The following SBF2 variants were observed in gnomAD, a reference collection of about 807,000 sequenced individuals.
SBF2 encodes SET binding factor 2.
SBF2 carries 112 observed loss-of-function variants against 225.2 expected under a neutral mutation model. The ratio of observed to expected loss-of-function variants is 0.50; its 90% CI spans 0.43 to 0.58. The LOEUF (loss-of-function observed/expected upper bound fraction) is 0.58. SBF2 is among the 20% of genes least tolerant of loss of function. SBF2 has a pLI of 0.00. For synonymous variants in SBF2, 763 were observed against 773.3 expected, an observed-to-expected ratio of 0.99 and a Z score of 0.22; for missense variants, 1,996 against 2,206.2, an observed-to-expected ratio of 0.90 and a Z score of 1.91.
At chr11:10,000,138 A>C (rs750001825) in intron 8 of SBF2, among the ~76,000 whole-genome samples, 41 of 152,342 alleles carry the variant, frequency 2.7e-4, no homozygotes, top group Non-Finnish European at 5.3e-4. Context: ...TACTGGGCAG[A>C]AATCTGTTTC....
chr11:9,843,734 G>A (rs957179125), intron 24 of SBF2: 1 of 152,194 alleles, frequency 6.6e-6, no homozygotes, highest in Non-Finnish European at 1.5e-5. Flanking sequence ...GATAACAGCT[G>A]GGAATCATAA....
intron 2 of SBF2, among the ~76,000 whole-genome samples, chr11:10,175,856 T>A (rs1376773853): frequency 6.6e-6 from 1 of 151,634 alleles, no homozygotes; most frequent in Non-Finnish European, 1.5e-5. Flanking sequence ...GGATTAAGAA[T>A]CTCACTCAAA....
chr11:10,054,390 C>T (rs1030586243), intron 2 of SBF2, among the ~76,000 whole-genome samples: 4 of 152,086 alleles, frequency 2.6e-5, no homozygotes, highest in Non-Finnish European at 4.4e-5. Flanking sequence ...AAAAAAGATC[C>T]TATTTGTAAT....
chr11:9,794,719 G>A (rs1195478925), intron 33 of SBF2, among the ~76,000 whole-genome samples: 1 of 129,964 alleles, frequency 7.7e-6, no homozygotes, highest in Non-Finnish European at 1.6e-5. Flanking sequence ...ACCAGGCCTG[G>A]GGCAGTTGTA....
At chr11:10,301,733 C>T (rs1964600376) in intron 1 of SBF2, among the ~76,000 whole-genome samples, 3 of 152,174 alleles carry the variant, frequency 2.0e-5, no homozygotes, top group Admixed American at 2.0e-4. Context: ...GCTGAGAAAC[C>T]ACTACCACAT....
chr11:10,171,933 T>C (rs1398925678), intron 2 of SBF2, among the ~76,000 whole-genome samples: 4 of 152,334 alleles, frequency 2.6e-5, no homozygotes, highest in East Asian at 3.9e-4. Flanking sequence ...TATTGACATA[T>C]AGTTGGTCAC....
intron 1 of SBF2, among the ~76,000 whole-genome samples, chr11:10,219,020 G>C (rs1000490863): frequency 1.3e-5 from 2 of 152,252 alleles, no homozygotes; most frequent in South Asian, 2.1e-4. Context: ...CTGGGGTCTG[G>C]AGGATGGTGG....
At chr11:9,873,639 C>A (rs1306575180) in intron 17 of SBF2, among the ~76,000 whole-genome samples, 3 of 152,156 alleles carry the variant, frequency 2.0e-5, no homozygotes, top group African/African-American at 7.2e-5. Context: ...TCTGCATGAG[C>A]AGTGAGGAGG....
chr11:9,912,044 C>T (rs555851311), intron 16 of SBF2, among the ~76,000 whole-genome samples: 5 of 152,290 alleles, frequency 3.3e-5, no homozygotes, highest in East Asian at 1.9e-4. Context: ...TAGCTGGGTG[C>T]GGTGGCTCAC....
chr11:10,112,762 T>C (rs1206532086), intron 2 of SBF2, among the ~76,000 whole-genome samples: 2 of 152,154 alleles, frequency 1.3e-5, no homozygotes, highest in Admixed American at 6.5e-5. Flanking sequence ...CTCTTTAAAT[T>C]ATAAGTGCAT....
chr11:10,030,068 CTGAGA>C (rs1949199363), intron 4 of SBF2, among the ~76,000 whole-genome samples, 193 bp from the exon 5 acceptor site: 1 of 152,196 alleles, frequency 6.6e-6, no homozygotes, highest in Non-Finnish European at 1.5e-5. Flanking sequence ...AAATGAGCTT[CTGAGA>C]TGAGTTTATA....
chr11:10,227,116 A>C (rs1158330415), intron 1 of SBF2, among the ~76,000 whole-genome samples: 1 of 152,128 alleles, frequency 6.6e-6, no homozygotes, highest in Middle Eastern at 3.2e-3. Context: ...GGCTGCATAA[A>C]TGTCTTCTTT....
chr11:9,967,298 G>A (rs1425502036), intron 14 of SBF2, among the ~76,000 whole-genome samples: 2 of 151,936 alleles, frequency 1.3e-5, no homozygotes, highest in Admixed American at 1.3e-4. Context: ...TGTGAGCCCG[G>A]GAGGCGGAGC....
At chr11:10,273,169 A>C (rs1962672025) in intron 1 of SBF2, among the ~76,000 whole-genome samples, 1 of 152,198 alleles carries the variant, frequency 6.6e-6, no homozygotes, top group East Asian at 1.9e-4. Flanking sequence ...TTAGTTTTTG[A>C]ATTATTTGAT....
At chr11:9,908,855 T>A (rs1353110913) in intron 16 of SBF2, among the ~76,000 whole-genome samples, 1 of 150,930 alleles carries the variant, frequency 6.6e-6, no homozygotes, top group African/African-American at 2.4e-5. Flanking sequence ...TGGCTAATTT[T>A]TTTTTTTTTT....
At chr11:10,073,976 T>A (rs1385077900) in intron 2 of SBF2, among the ~76,000 whole-genome samples, 1 of 152,220 alleles carries the variant, frequency 6.6e-6, no homozygotes, top group African/African-American at 2.4e-5. Context: ...CTAATATTTA[T>A]GAACAAAGTG....
At chr11:10,024,148 A>T (rs1161563101) in intron 6 of SBF2, among the ~76,000 whole-genome samples, 1 of 152,172 alleles carries the variant, frequency 6.6e-6, no homozygotes, top group East Asian at 1.9e-4. Context: ...TGCGTGTATC[A>T]GCCATTCATT....
chr11:9,794,699 A>AAAAAAAAAAAAAAAAAAAAAAAAAG (rs1564859829), intron 33 of SBF2, among the ~76,000 whole-genome samples: 2 of 147,162 alleles, frequency 1.4e-5, no homozygotes, highest in African/African-American at 5.0e-5. Flanking sequence ...AAAAAAAAAA[A>AAAAAAAAAAAAAAAAAAAAAAAAAG]AAAAAAAAGA....
chr11:10,266,224 T>A (rs753835319), intron 1 of SBF2, among the ~76,000 whole-genome samples: 2 of 152,194 alleles, frequency 1.3e-5, no homozygotes, highest in African/African-American at 4.8e-5. Context: ...CTCAGGTTGT[T>A]TGACGCTAGA....
Sources: gnomAD v4.1 joint callset for allele counts (sites outside exome capture counted in the v4.1 genomes callset) on GRCh38, gnomAD v4.1.1 for gene constraint, MANE v1.5 for transcripts, NCBI Gene and HGNC (gene_info 2026-07-23, HGNC 2026-07-21) for gene names.